Variants in IMPDH2 observed in about 807,000 individuals in gnomAD.
IMPDH2 encodes inosine monophosphate dehydrogenase 2, also known as inosine-5'-monophosphate dehydrogenase 2.
A neutral mutation model predicts 57.8 loss-of-function variants in IMPDH2; 33 were observed. That is an observed-to-expected ratio of 0.57 (90% confidence interval 0.43 to 0.76). IMPDH2 has a LOEUF of 0.76. IMPDH2 is among the 30% of genes least tolerant of loss of function. The pLI is 0.00. For missense variants in IMPDH2, 446 were observed against 659.1 expected, an observed-to-expected ratio of 0.68 and a Z score of 3.54; for synonymous variants, 270 against 241.3, an observed-to-expected ratio of 1.12 and a Z score of -1.10.
In IMPDH2 at chr3:49,024,524, C is replaced by T. The variant is rs778393855; in HGVS notation, c.1494G>A (p.Gln498=). The change falls in exon 13 of 14, where the codon CAG becomes CAA. Residue 498 remains glutamine, a synonymous_variant. Coordinates refer to ENST00000326739, the MANE Select transcript of IMPDH2 (RefSeq NM_000884.3). ...LKFEKRTSSA[Q]VEGGVHSLHS... ...GGAGGCTATGGACGCCACCTTCCAC[C>T]TGGGCTGAGGACGTTCTCTTCTCAA... is the stretch of plus-strand genomic sequence containing the variant. The T allele has an allele frequency of 6.2e-7, 1 of 1,614,188 alleles. No individual in the cohort carries two copies. The highest frequency in any genetic ancestry group is 8.5e-7 in the Non-Finnish European group (1 of 1,180,042).
In IMPDH2 at chr3:49,025,119, G is replaced by C; in HGVS notation, c.1150+7C>G. 1 of 1,614,218 alleles carries C rather than the reference G, an allele frequency of 6.2e-7. No homozygotes were observed. Among genetic ancestry groups the C allele is most frequent in the South Asian group, 1.1e-5 (1 of 91,086 alleles). On this transcript the variant is annotated splice_region_variant and intron_variant, in intron 10 of 13. Transcript: ENST00000326739. ...TCCCACTGGCCTTCACGGGTACTGGGCCTCACCTGTGGAGGCCCCAAGGGC... is the reference window on the plus strand; with the variant it reads ...TCCCACTGGCCTTCACGGGTACTGGCCCTCACCTGTGGAGGCCCCAAGGGC...
In IMPDH2 at chr3:49,025,303, G is replaced by A. The variant is rs374390172; in HGVS notation, c.1007-34C>T. On this transcript the variant is annotated intron_variant, in intron 9 of 13. Coordinates refer to ENST00000326739, the MANE Select transcript of IMPDH2 (RefSeq NM_000884.3). Reference sequence around the variant, plus strand: ...ATGGAGGAACACATGGGTGGATAGGGTTAATGGGGACGGGCAGTGGACCCT... The same window carrying A: ...ATGGAGGAACACATGGGTGGATAGGATTAATGGGGACGGGCAGTGGACCCT... 3.7e-6 allele frequency: 6 copies of A among 1,613,144 alleles called. No homozygotes were observed. The African/African-American group carries it at 8.0e-5, about 22-fold the overall frequency.
chr3:49,028,609 G>A lies in IMPDH2; in HGVS notation c.148-77C>T, dbSNP rs72624908. ...GTGTTACTGAGTCCCCCACAAAAAG[G>A]CACTTTTGTATGACCTGCATGCTAA... On this transcript the variant is annotated intron_variant, in intron 2 of 13. Transcript: ENST00000326739. 809 of 1,380,238 alleles carry A rather than the reference G, an allele frequency of 5.9e-4. 4 individuals carry two copies. The African/African-American group carries it at 9.9e-3, about 17-fold the overall frequency. The allele number at this position is 1,380,238 out of a possible 1,614,324, so 85.5% of individuals were successfully genotyped here. A position where few individuals can be genotyped will look rare whatever the true frequency, so the allele number is the denominator to read the frequency against.
Position 49,024,561 on chromosome 3 carries a change from C to G in IMPDH2, c.1457G>C (p.Gly486Ala). ...CGTTCTCTTCTCAAACTTAAGCTCC[C>G]CAGAGTACATCATGGCTCTGAAGAA... ...LTQVRAMMYS[G>A]ELKFEKRTSS... is the part of the protein sequence containing the mutation. The change falls in exon 13 of 14, where the codon GGG becomes GCG. Residue 486 changes from glycine (G) to alanine (A), a missense_variant. Physicochemically the swap from Gly to Ala is moderately conservative, Grantham distance 60 (BLOSUM62 0). Transcript: ENST00000326739. The G allele has an allele frequency of 6.2e-7, 1 of 1,614,166 alleles. No homozygotes were observed. The highest frequency in any genetic ancestry group is 8.5e-7 in the Non-Finnish European group (1 of 1,180,028).
chr3:49,027,110 T>C (rs1226981352), intron 5 of IMPDH2, 63 bp from the exon 6 acceptor site: 4 of 1,289,562 alleles, frequency 3.1e-6, no homozygotes, highest in South Asian at 1.2e-5. Context: ...AACTCTTTTC[T>C]TTCCTTCCCA....
At chr3:49,028,931 G>C in intron 1 of IMPDH2, 125 bp from the exon 2 acceptor site, 1 of 808,346 alleles carries the variant, frequency 1.2e-6, no homozygotes, top group Non-Finnish European at 2.1e-6. Flanking sequence ...GAGTCTGTGT[G>C]TCACAGGCAC....
At chr3:49,025,484 G>C in intron 9 of IMPDH2, 2 of 578,488 alleles carry the variant, frequency 3.5e-6, no homozygotes, top group Non-Finnish European at 6.2e-6. Flanking sequence ...ATGTGCACGT[G>C]CATGTGTGCA....
intron 5 of IMPDH2, 108 bp downstream of exon 5, chr3:49,027,602 C>T (rs2093204773): frequency 2.1e-6 from 2 of 966,936 alleles, no homozygotes; most frequent in East Asian, 2.4e-5. Context: ...TGGTTTGACA[C>T]TCCTTTCCCA....
At position 49,026,595 on chromosome 3, in the gene IMPDH2, T is replaced by C; in HGVS notation, c.834A>G (p.Gly278=). ...VDVVVLDSSQ[G]NSIFQINMIK... The stretch of plus-strand genomic sequence containing the variant: ...TCATATTGATCTGGAAGATGGAATT[T>C]CCCTGGGAAGAGTCCTAGGACAAGA... Residue 278 remains glycine, a synonymous_variant, in exon 8 of 14, where the codon GGA becomes GGG. Coordinates refer to ENST00000326739, the MANE Select transcript of IMPDH2 (RefSeq NM_000884.3). 1 of 1,613,882 alleles carries C rather than the reference T, an allele frequency of 6.2e-7. No homozygotes were observed. Among genetic ancestry groups the C allele is most frequent in the Non-Finnish European group, 8.5e-7 (1 of 1,179,738 alleles).
chr3:49,026,303 C>A, intron 9 of IMPDH2, 21 bp downstream of exon 9: 1 of 1,536,870 alleles, frequency 6.5e-7, no homozygotes, highest in Non-Finnish European at 8.9e-7. Flanking sequence ...CTCTGTGGGC[C>A]CTATCAAAGT....
chr3:49,027,171 T>C lies in IMPDH2; in HGVS notation c.532-124A>G, dbSNP rs1009932782. 15 of 765,520 alleles carry C rather than the reference T, an allele frequency of 2.0e-5. No homozygotes were observed. The Admixed American group carries it at 2.9e-4, about 15-fold the overall frequency. 47.4% of individuals were successfully genotyped at this position (765,520 alleles called of 1,614,324 possible). On this transcript the variant is annotated intron_variant, in intron 5 of 13. Coordinates refer to ENST00000326739, the MANE Select transcript of IMPDH2 (RefSeq NM_000884.3). ...CACCACACCCAACTAATTTTTTGTA[T>C]TTTTAGTAGAGACGGGGTTTCACCA...
chr3:49,025,903 C>A, intron 9 of IMPDH2: 1 of 455,690 alleles, frequency 2.2e-6, no homozygotes, highest in Non-Finnish European at 4.4e-6. Context: ...GCCCACCCAT[C>A]AGCACCACAA....
At chr3:49,025,619 C>T (rs1365111915) in intron 9 of IMPDH2, among the ~76,000 whole-genome samples, 1 of 152,178 alleles carries the variant, frequency 6.6e-6, no homozygotes, top group East Asian at 1.9e-4. Context: ...CAGGCCCAGC[C>T]CTTCCTCCCT....
At chr3:49,026,286 CTG>C (rs1402626840) in intron 9 of IMPDH2, 36 bp downstream of exon 9, 15 of 1,418,734 alleles carry the variant, frequency 1.1e-5, no homozygotes, top group Middle Eastern at 2.3e-4. Flanking sequence ...GGGCCTGAAA[CTG>C]GGGTCTCTGT....
At chr3:49,029,213 C>T in intron 1 of IMPDH2, 40 bp downstream of exon 1, 1 of 1,487,344 alleles carries the variant, frequency 6.7e-7, no homozygotes, top group South Asian at 1.2e-5. Context: ...CCCAGGGTGC[C>T]GCCCCTCTCT....
At chr3:49,029,187 C>G in intron 1 of IMPDH2, 66 bp downstream of exon 1, 1 of 1,320,872 alleles carries the variant, frequency 7.6e-7, no homozygotes. Flanking sequence ...CTCGGAAGCC[C>G]CCATCTGGCC....
intron 9 of IMPDH2, chr3:49,025,899 C>T: frequency 2.2e-6 from 1 of 452,714 alleles, no homozygotes; most frequent in South Asian, 1.6e-5. Context: ...CCTTGCCCAC[C>T]CATCAGCACC....
chr3:49,027,672 C>A (rs1289483911), intron 5 of IMPDH2, 38 bp downstream of exon 5: 1 of 1,552,434 alleles, frequency 6.4e-7, no homozygotes, highest in Middle Eastern at 1.7e-4. Flanking sequence ...TCAACCTGGG[C>A]TGCTAGAGCT....
chr3:49,028,494 C>T lies in IMPDH2; in HGVS notation c.186G>A (p.Lys62=), dbSNP rs1559917495. 1 of 1,614,126 alleles carries T rather than the reference C, an allele frequency of 6.2e-7. No individual in the cohort carries two copies. Among genetic ancestry groups the T allele is most frequent in the Non-Finnish European group, 8.5e-7 (1 of 1,180,008 alleles). ...TSALTKKITL[K]TPLVSSPMDT... ...CCATGGGAGAGGAAACCAGTGGGGTCTTAAGAGTGATTTTCTTGGTCAGAG... is the reference window on the plus strand; with the variant it reads ...CCATGGGAGAGGAAACCAGTGGGGTTTTAAGAGTGATTTTCTTGGTCAGAG... The change falls in exon 3 of 14, where the codon AAG becomes AAA. Residue 62 remains lysine, a synonymous_variant. Coordinates refer to ENST00000326739, the MANE Select transcript of IMPDH2 (RefSeq NM_000884.3).
Sources: gnomAD v4.1 joint callset for allele counts (sites outside exome capture counted in the v4.1 genomes callset) on GRCh38, gnomAD v4.1.1 for gene constraint, MANE v1.5 for transcripts, NCBI Gene and HGNC (gene_info 2026-07-23, HGNC 2026-07-21) for gene names.